Variants in ZNF888 observed in about 807,000 individuals in gnomAD.
ZNF888 encodes CTD-2331H12.6.
Under a neutral mutation model 7.2 loss-of-function variants are expected in ZNF888, and 5 were observed. The ratio of observed to expected loss-of-function variants is 0.70; its 90% CI spans 0.36 to 1.46. ZNF888 has a LOEUF of 1.46. ZNF888 is among the 40% of genes most tolerant of loss of function. The probability of loss-of-function intolerance (pLI) is 0.03; values close to 1 mark genes in which losing one functional copy is unlikely to be tolerated. For missense variants in ZNF888, 716 were observed against 858.0 expected (o/e 0.83, Z 2.07); for synonymous variants, 240 against 284.3 (o/e 0.84, Z 1.57).
intron 4 of ZNF888, among the ~76,000 whole-genome samples, chr19:52,913,051 G>A (rs2064704781): frequency 6.6e-6 from 1 of 152,134 alleles, no homozygotes; most frequent in Non-Finnish European, 1.5e-5. Flanking sequence ...AGGTTGTAGT[G>A]AGCCAAGATC....
rs1176685168 is a variant in ZNF888, at chr19:52,912,561, TAAAA to T, written c.142+2631_142+2634del. Among the ~76,000 whole-genome samples the T allele has an allele frequency of 1.3e-4, 15 of 114,896 alleles. No individual in the cohort carries two copies. In the East Asian group the frequency reaches 3.6e-3, roughly 28 times the overall value. The allele number at this position is 114,896 out of a possible 152,430, so 75.4% of individuals were successfully genotyped here. The stretch of plus-strand genomic sequence containing the variant: ...TAACAAGCTGAAACCCCATCTCTAC[TAAAA>T]AAAAAAAAAAAAAAATTAGCCCAGC... On this transcript the variant is annotated intron_variant, in intron 4 of 4. Coordinates refer to ENST00000638862, the MANE Select transcript of ZNF888 (RefSeq NM_001393938.1).
At chr19:52,914,378 C>T (rs2064720502) in intron 4 of ZNF888, 1 of 984,582 alleles carries the variant, frequency 1.0e-6, no homozygotes, top group African/African-American at 1.7e-5. Context: ...CTTTCCCTTG[C>T]TCCAACATGG....
At chr19:52,909,270 T>G (rs1478072745) in intron 4 of ZNF888, among the ~76,000 whole-genome samples, 1 of 150,978 alleles carries the variant, frequency 6.6e-6, no homozygotes, top group Non-Finnish European at 1.5e-5. Flanking sequence ...TTTTTTGAGA[T>G]GGAGTCTCGC....
At position 52,908,102 on chromosome 19, in the gene ZNF888, GCA is replaced by G; in HGVS notation, c.218_219del (p.Leu73SerfsTer17). On this transcript the variant is annotated frameshift_variant, in exon 5 of 5. Coordinates refer to ENST00000638862, the MANE Select transcript of ZNF888 (RefSeq NM_001393938.1). LOFTEE classifies it low-confidence loss of function (END_TRUNC). ...CCAATGTGATGACTTGCCAGTCTTT[GCA>G]ATGTCCCTGTGTGGATCACTTCTGT... is the stretch of plus-strand genomic sequence containing the variant. ...GNTEVIHTGT[L>X]QRLASHHIGE... The G allele has an allele frequency of 6.2e-7, 1 of 1,614,086 alleles. No homozygotes were observed. Among genetic ancestry groups the G allele is most frequent in the Non-Finnish European group, 8.5e-7 (1 of 1,180,018 alleles).
chr19:52,911,567 T>C (rs1406905480), intron 4 of ZNF888, among the ~76,000 whole-genome samples: 1 of 151,720 alleles, frequency 6.6e-6, no homozygotes, highest in Non-Finnish European at 1.5e-5. Flanking sequence ...CTCGATCTCC[T>C]GACCTCGTGA....
At chr19:52,911,408 A>G (rs901337471) in intron 4 of ZNF888, among the ~76,000 whole-genome samples, 19 of 150,216 alleles carry the variant, frequency 1.3e-4, no homozygotes, top group Admixed American at 5.3e-4. Context: ...GCATGATCTC[A>G]GCTCACTGCA....
At chr19:52,915,135 G>C in intron 4 of ZNF888, 61 bp downstream of exon 4, 1 of 1,527,858 alleles carries the variant, frequency 6.5e-7, no homozygotes, top group Non-Finnish European at 8.7e-7. Flanking sequence ...ACTCCCAAGA[G>C]AAACAAGAGA....
chr19:52,906,440 G>A lies in ZNF888; in HGVS notation c.1882C>T (p.His628Tyr), dbSNP rs1369996498. ...CATTTGTATGGTTTCTCTCCAGTATGAACTCTCCTATGTATTTCAAGGTGT... is the reference window on the plus strand; with the variant it reads ...CATTTGTATGGTTTCTCTCCAGTATAAACTCTCCTATGTATTTCAAGGTGT... ...KSHLEIHRRVHTGEKPYKCRV... is the reference protein window; with the variant it reads ...KSHLEIHRRVYTGEKPYKCRV... The change falls in exon 5 of 5, where the codon CAT (histidine) becomes TAT (tyrosine). Residue 628 changes from histidine to tyrosine, a missense_variant. By Grantham distance (83) the His-to-Tyr change is moderately conservative. Transcript: ENST00000638862. 6.2e-7 allele frequency: 1 copy of A among 1,613,104 alleles called. No individual in the cohort carries two copies. Among genetic ancestry groups the A allele is most frequent in the Admixed American group, 1.7e-5 (1 of 59,928 alleles).
intron 1 of ZNF888, among the ~76,000 whole-genome samples, chr19:52,922,201 T>A (rs11668565): frequency 0.23 from 35,360 of 151,906 alleles, 4,242 homozygotes; most frequent in South Asian, 0.35. Flanking sequence ...TTTAACCTCT[T>A]GTTGCTCCTT....
intron 4 of ZNF888, among the ~76,000 whole-genome samples, chr19:52,912,136 C>G (rs1468383437): frequency 7.9e-6 from 1 of 127,118 alleles, no homozygotes; most frequent in Non-Finnish European, 1.6e-5. Context: ...TTTTTTGAGA[C>G]GGAATCTTGC....
rs1568741197 is a variant in ZNF888, at chr19:52,907,463, G to A, written c.859C>T (p.Arg287Cys). The A allele has an allele frequency of 1.0e-5, 16 of 1,605,440 alleles. No homozygotes were observed. Among genetic ancestry groups the A allele is most frequent in the Admixed American group, 5.1e-5 (3 of 58,538 alleles). ...TCTCCAGTATGACGTCTATAATGAC[G>A]TGCAAGGTATGCTTTTTTATTAAAA... Reference protein sequence around the residue: ...KVFNKKAYLARHYRRHTGEKP... With the variant: ...KVFNKKAYLACHYRRHTGEKP... Residue 287 changes from arginine (R) to cysteine (C), a missense_variant, in exon 5 of 5, where the codon CGT becomes TGT. Arg to Cys is a radical substitution (Grantham distance 180, BLOSUM62 -3). Around this residue, in one of 2 missense-constraint regions of ZNF888, gnomAD observed 697 missense variants for 803.4 expected, o/e 0.87. Transcript: ENST00000638862.
chr19:52,905,840 T>A lies in ZNF888; in HGVS notation c.*325A>T. 1 of 715,218 alleles carries A rather than the reference T, an allele frequency of 1.4e-6. No homozygotes were observed. The highest frequency in any genetic ancestry group is 3.1e-5 in the East Asian group (1 of 32,190). The allele number at this position is 715,218 out of a possible 1,614,324, so 44.3% of individuals were successfully genotyped here. ...GCCACACTGATGACATTTGTAAGAT[T>A]TCTGTCCAGTATGGATTCTTTGATG... On this transcript the variant is annotated 3_prime_UTR_variant, in exon 5 of 5. Coordinates refer to ENST00000638862, the MANE Select transcript of ZNF888 (RefSeq NM_001393938.1).
rs562184002 is a variant in ZNF888, at chr19:52,906,405, G to C, written c.1917C>G (p.Cys639Trp). The C allele has an allele frequency of 3.1e-6, 5 of 1,610,874 alleles. No individual in the cohort carries two copies. The highest frequency in any genetic ancestry group is 4.2e-6 in the Non-Finnish European group (5 of 1,178,718). Residue 639 changes from cysteine (C) to tryptophan (W), a missense_variant, in exon 5 of 5, where the codon TGC becomes TGG. This residue lies in a region of ZNF888 where 697 missense variants were observed against 803.4 expected (regional missense o/e 0.87). Transcript: ENST00000638862. ...ATGAATCACGCCCAAAAGCCTTGTC[G>C]CAAACCCTACATTTGTATGGTTTCT... ...TGEKPYKCRV[C>W]DKAFGRDSYL...
rs2064708074 is a variant in ZNF888, at chr19:52,913,345, G to A, written c.142+1851C>T. On this transcript the variant is annotated intron_variant, in intron 4 of 4. Transcript: ENST00000638862. ...CTTTTTTTTTTTTTTTTTTTTTTGAGATGGAGTCTCACTCTGTCACCCAGC... is the reference window on the plus strand; with the variant it reads ...CTTTTTTTTTTTTTTTTTTTTTTGAAATGGAGTCTCACTCTGTCACCCAGC... 4.3e-5 allele frequency among the ~76,000 whole-genome samples: 4 copies of A among 93,312 alleles called. No individual in the cohort carries two copies. The South Asian group carries it at 1.6e-3, about 36-fold the overall frequency. The allele number at this position is 93,312 out of a possible 152,430, so 61.2% of individuals were successfully genotyped here.
chr19:52,922,388 C>T (rs2147942704), intron 1 of ZNF888, among the ~76,000 whole-genome samples: 1 of 152,146 alleles, frequency 6.6e-6, no homozygotes, highest in African/African-American at 2.4e-5. Context: ...TTCTCCTTGC[C>T]ACCAGCACCA....
rs530548028 is a variant in ZNF888 at position 52,906,389 on chromosome 19, G to A, written c.1933C>T (p.Arg645Cys). The change falls in exon 5 of 5, where the codon CGT (arginine) becomes TGT (cysteine). Residue 645 changes from arginine (R) to cysteine (C), a missense_variant. Transcript: ENST00000638862. ...TGATGTTGTGCAAGGTATGAATCAC[G>A]CCCAAAAGCCTTGTCGCAAACCCTA... ...KCRVCDKAFG[R>C]DSYLAQHQRV... 146 of 1,612,576 alleles carry A rather than the reference G, an allele frequency of 9.1e-5. No homozygotes were observed. The highest frequency in any genetic ancestry group is 1.2e-4 in the Non-Finnish European group (139 of 1,179,326).
chr19:52,913,890 C>T (rs1462742061), intron 4 of ZNF888, among the ~76,000 whole-genome samples: 4 of 152,160 alleles, frequency 2.6e-5, no homozygotes, highest in Admixed American at 2.6e-4. Context: ...CTTTGGGAAG[C>T]TGAGGCAGGT....
intron 4 of ZNF888, among the ~76,000 whole-genome samples, chr19:52,912,059 C>T (rs796617324): frequency 7.3e-5 from 11 of 151,574 alleles, no homozygotes; most frequent in African/African-American, 2.2e-4. Flanking sequence ...GTGATCCACC[C>T]GCCTCGGCCT....
intron 4 of ZNF888, among the ~76,000 whole-genome samples, chr19:52,912,553 A>T (rs1297548248): frequency 8.9e-6 from 1 of 111,974 alleles, no homozygotes. Flanking sequence ...CTGAAACCCC[A>T]TCTCTACTAA....
Sources: gnomAD v4.1 joint callset for allele counts (sites outside exome capture counted in the v4.1 genomes callset) on GRCh38, gnomAD v4.1.1 for gene constraint, gnomAD v4.1.1 regional missense constraint, MANE v1.5 for transcripts, NCBI Gene and HGNC (gene_info 2026-07-23, HGNC 2026-07-21) for gene names.